The following KAZN variants were observed in gnomAD, a reference collection of about 807,000 sequenced individuals.
KAZN encodes kazrin.
KAZN carries 40 observed loss-of-function variants against 87.4 expected under a neutral mutation model. The ratio of observed to expected loss-of-function variants is 0.46; its 90% CI spans 0.36 to 0.60. The LOEUF is 0.60. KAZN is among the 20% of genes least tolerant of loss of function. The pLI is 0.00. For synonymous variants in KAZN, 466 were observed against 458.3 expected (o/e 1.02, Z -0.22); for missense variants, 898 against 1,073.9 (o/e 0.84, Z 2.29).
At chr1:14,032,436 G>A (rs1470908162) in intron 1 of KAZN, among the ~76,000 whole-genome samples, 2 of 152,194 alleles carry the variant, frequency 1.3e-5, no homozygotes, top group African/African-American at 4.8e-5. Flanking sequence ...CAGAGCCTGT[G>A]CCCTTAACCA....
At chr1:14,135,782 G>A (rs1407370487) in intron 1 of KAZN, among the ~76,000 whole-genome samples, 2 of 152,210 alleles carry the variant, frequency 1.3e-5, no homozygotes, top group Non-Finnish European at 2.9e-5. Context: ...AAAAGAGAAG[G>A]CAGGTCTGTC....
intron 1 of KAZN, among the ~76,000 whole-genome samples, chr1:14,606,927 C>T (rs530218974): frequency 6.6e-6 from 1 of 152,234 alleles, no homozygotes; most frequent in Non-Finnish European, 1.5e-5. Flanking sequence ...TTGCGAACTG[C>T]TTTTTATGCA....
chr1:15,044,287 CA>C, intron 4 of KAZN, 128 bp downstream of exon 4: 1 of 968,184 alleles, frequency 1.0e-6, no homozygotes, highest in Non-Finnish European at 1.5e-6. Flanking sequence ...AGAACACAAG[CA>C]GGGGGCAGGG....
At chr1:14,139,044 T>G (rs1302913415) in intron 1 of KAZN, among the ~76,000 whole-genome samples, 1 of 152,202 alleles carries the variant, frequency 6.6e-6, no homozygotes, top group Non-Finnish European at 1.5e-5. Flanking sequence ...CTTTCATTCT[T>G]TCATTCTTCA....
chr1:14,892,414 CT>C (rs535207743), intron 1 of KAZN, among the ~76,000 whole-genome samples: 109 of 151,838 alleles, frequency 7.2e-4, no homozygotes, highest in African/African-American at 2.6e-3. Flanking sequence ...CCCCTCCCCC[CT>C]GCTGTCTCTC....
chr1:14,348,051 A>ATTTTT (rs70997137), intron 2 of KAZN, among the ~76,000 whole-genome samples: 58,364 of 117,586 alleles, frequency 0.5, 16,130 homozygotes, highest in South Asian at 0.62. Flanking sequence ...CACCTGGCTA[A>ATTTTT]TTTTTTTTTT....
In KAZN at chr1:14,948,594, T is replaced by C. The variant is rs150524446; in HGVS notation, c.227-12090T>C. On this transcript the variant is annotated intron_variant, in intron 1 of 14. Coordinates refer to ENST00000376030, the MANE Select transcript of KAZN (RefSeq NM_201628.3). ...GGGGCTCCTGAAAGGGAAATGGAGG[T>C]GCCATGTTGAAAAGAAGGGTCATAG... Among the ~76,000 whole-genome samples, 499 of 152,120 alleles carry C rather than the reference T, an allele frequency of 3.3e-3. 7 individuals carry two copies. The East Asian group carries it at 0.044, about 13-fold the overall frequency.
At chr1:15,046,168 G>GCAC (rs1673478530) in intron 4 of KAZN, among the ~76,000 whole-genome samples, 1 of 151,954 alleles carries the variant, frequency 6.6e-6, no homozygotes, top group Non-Finnish European at 1.5e-5. Flanking sequence ...CATGGCGGTG[G>GCAC]ATGCCTGTAA....
intron 2 of KAZN, chr1:14,304,684 C>T (rs1654794492): frequency 7.5e-6 from 3 of 398,214 alleles, no homozygotes; most frequent in Non-Finnish European, 1.3e-5. Context: ...AATGCATTCC[C>T]AGGGGTACAT....
At chr1:14,673,241 C>T (rs1208414473) in intron 1 of KAZN, among the ~76,000 whole-genome samples, 2 of 152,208 alleles carry the variant, frequency 1.3e-5, no homozygotes, top group African/African-American at 4.8e-5. Context: ...TACCAGCCCC[C>T]CTCTTCCAGT....
intron 1 of KAZN, among the ~76,000 whole-genome samples, chr1:14,792,672 G>C (rs72636686): frequency 0.068 from 10,322 of 152,168 alleles, 448 homozygotes; most frequent in African/African-American, 0.12. Flanking sequence ...GAGGAAAGCA[G>C]CGTGCATTTA....
intron 1 of KAZN, among the ~76,000 whole-genome samples, chr1:14,938,803 T>C (rs1660741188): frequency 6.6e-6 from 1 of 152,158 alleles, no homozygotes; most frequent in South Asian, 2.1e-4. Context: ...CTGCTTAATC[T>C]CTTTGAGCCT....
rs186867387 is a variant in KAZN at position 14,355,457 on chromosome 1, G to A, written c.249+174865G>A. Among the ~76,000 whole-genome samples the A allele has an allele frequency of 4.9e-3, 736 of 151,002 alleles. 7 individuals carry two copies. The highest frequency in any genetic ancestry group is 0.017 in the African/African-American group (701 of 41,110). Reference sequence around the variant, plus strand: ...TTATTTATATTATACTTTAAGTTCTGAGATACATGTGCAGAACGTGCAGGT... The same window carrying A: ...TTATTTATATTATACTTTAAGTTCTAAGATACATGTGCAGAACGTGCAGGT... On this transcript the variant is annotated intron_variant, in intron 2 of 16. Transcript: ENST00000636203.
At chr1:14,403,760 T>C (rs980160731) in intron 2 of KAZN, among the ~76,000 whole-genome samples, 3 of 152,272 alleles carry the variant, frequency 2.0e-5, no homozygotes, top group African/African-American at 7.2e-5. Flanking sequence ...AACCTGACAG[T>C]ATCAAGTGTT....
intron 2 of KAZN, among the ~76,000 whole-genome samples, chr1:14,532,932 C>T (rs935355596): frequency 2.0e-5 from 3 of 152,006 alleles, no homozygotes; most frequent in African/African-American, 4.8e-5. Context: ...AATAAACATA[C>T]GTGTGCATGT....
chr1:14,789,743 T>G (rs939605773), intron 1 of KAZN, among the ~76,000 whole-genome samples: 3 of 109,914 alleles, frequency 2.7e-5, no homozygotes, highest in African/African-American at 3.7e-5. Context: ...AGGCAAGGAC[T>G]CTAAGCTCCT....
chr1:14,527,520 G>T lies in KAZN; in HGVS notation c.250-71463G>T, dbSNP rs369512622. Among the ~76,000 whole-genome samples the T allele has an allele frequency of 2.3e-3, 329 of 145,312 alleles. 13 individuals are homozygous for T. The South Asian group carries it at 0.071, about 31-fold the overall frequency. ...GCTGAGACCATGCCATTGCACTCCA[G>T]CCTGGGCAACAGAGTGAGACTCTGT... On this transcript the variant is annotated intron_variant, in intron 2 of 16. Transcript: ENST00000636203.
chr1:14,752,144 C>A (rs1254859214), intron 1 of KAZN, among the ~76,000 whole-genome samples: 1 of 152,154 alleles, frequency 6.6e-6, no homozygotes, highest in African/African-American at 2.4e-5. Context: ...TTTGTGGGAA[C>A]TAACAGAGTG....
At chr1:14,180,301 G>A in intron 1 of KAZN, 1 of 675,052 alleles carries the variant, frequency 1.5e-6, no homozygotes, top group Middle Eastern at 2.6e-4. Context: ...ATTTATAGAT[G>A]TGTCAAGTTC....
Sources: allele counts gnomAD v4.1 joint callset (sites outside exome capture counted in the v4.1 genomes callset), GRCh38; gene constraint gnomAD v4.1.1; transcripts MANE v1.5; gene names NCBI Gene and HGNC (gene_info 2026-07-23, HGNC 2026-07-21).